The following CACNA2D1 variants were observed in gnomAD, a reference collection of about 807,000 sequenced individuals.
The protein encoded by CACNA2D1 is voltage-dependent calcium channel subunit alpha-2/delta-1.
CACNA2D1 carries 53 observed loss-of-function variants against 171.5 expected under a neutral mutation model. The observed-to-expected ratio is 0.31, with a 90% CI of 0.25 to 0.39. The LOEUF (loss-of-function observed/expected upper bound fraction) is 0.39, where lower values mean the gene tolerates loss of function less well. Ranked by LOEUF, CACNA2D1 falls within the 10% of genes least tolerant of loss-of-function variation. The pLI is 1.00. For synonymous variants in CACNA2D1, 442 were observed against 443.1 expected, an observed-to-expected ratio of 1.00 and a Z score of 0.03; for missense variants, 903 against 1,299.8, an observed-to-expected ratio of 0.69 and a Z score of 4.69.
chr7:82,264,427 A>G (rs533471103), intron 3 of CACNA2D1, among the ~76,000 whole-genome samples: 1 of 152,288 alleles, frequency 6.6e-6, no homozygotes, highest in South Asian at 2.1e-4. Flanking sequence ...AATGTTTTAT[A>G]TATTTTTCTT....
intron 1 of CACNA2D1, among the ~76,000 whole-genome samples, chr7:82,378,976 TG>T (rs1823357127): frequency 6.6e-6 from 1 of 151,356 alleles, no homozygotes. Flanking sequence ...TGTGTGTGTG[TG>T]TGTGTGTGTG....
intron 3 of CACNA2D1, among the ~76,000 whole-genome samples, chr7:82,329,435 A>G (rs1177189447): frequency 6.6e-6 from 1 of 152,162 alleles, no homozygotes; most frequent in Non-Finnish European, 1.5e-5. Context: ...CTTTGAGCAA[A>G]ATGCCTAGAG....
intron 1 of CACNA2D1, among the ~76,000 whole-genome samples, chr7:82,402,522 C>G (rs1166772650): frequency 6.6e-6 from 1 of 151,630 alleles, no homozygotes; most frequent in East Asian, 1.9e-4. Context: ...ACCATCCTGG[C>G]TAACATGGTG....
chr7:81,956,577 T>C (rs1208503347), intron 38 of CACNA2D1, among the ~76,000 whole-genome samples: 1 of 152,190 alleles, frequency 6.6e-6, no homozygotes, highest in African/African-American at 2.4e-5. Context: ...CAACGTTTCC[T>C]TACTTTGGCG....
At chr7:82,242,154 T>G (rs974502584) in intron 3 of CACNA2D1, among the ~76,000 whole-genome samples, 2 of 152,122 alleles carry the variant, frequency 1.3e-5, no homozygotes, top group Non-Finnish European at 2.9e-5. Flanking sequence ...TAGTTGACAT[T>G]ATGTAAATCT....
chr7:82,069,735 T>A (rs938867478), intron 7 of CACNA2D1, among the ~76,000 whole-genome samples: 1 of 151,676 alleles, frequency 6.6e-6, no homozygotes, highest in East Asian at 1.9e-4. Flanking sequence ...TTTCAGCTGC[T>A]AGGAAAGAAT....
intron 5 of CACNA2D1, among the ~76,000 whole-genome samples, chr7:82,130,433 A>G (rs577179530): frequency 6.6e-6 from 1 of 152,066 alleles, no homozygotes; most frequent in South Asian, 2.1e-4. Context: ...ATATATGAAT[A>G]TAATGTTTAT....
rs570820638 is a variant in CACNA2D1 at position 82,015,063 on chromosome 7, AAAAG to A, written c.1144-588_1144-585del. Among the ~76,000 whole-genome samples the A allele has an allele frequency of 1.6e-3, 251 of 152,258 alleles. 5 individuals carry two copies. The East Asian group carries it at 0.018, about 11-fold the overall frequency. On this transcript the variant is annotated intron_variant, in intron 12 of 38. Transcript: ENST00000356860. ...GCGAAACTCCATTTCAAAAAAAGAAAAAAGAAAGAAAGAAAGAAAAAAGAAAATA... is the reference window on the plus strand; with the variant it reads ...GCGAAACTCCATTTCAAAAAAAGAAAAAAGAAAGAAAGAAAAAAGAAAATA...
chr7:82,198,044 T>G (rs563515176), intron 3 of CACNA2D1, among the ~76,000 whole-genome samples: 1 of 152,120 alleles, frequency 6.6e-6, no homozygotes, highest in Non-Finnish European at 1.5e-5. Context: ...AGTCCCTGAC[T>G]TGAATGAGCT....
chr7:82,084,333 A>G (rs1810186010), intron 7 of CACNA2D1, among the ~76,000 whole-genome samples: 1 of 152,194 alleles, frequency 6.6e-6, no homozygotes, highest in African/African-American at 2.4e-5. Flanking sequence ...TGTCCTACTC[A>G]TTTTAACAGA....
At chr7:82,401,136 A>G (rs1307223859) in intron 1 of CACNA2D1, among the ~76,000 whole-genome samples, 1 of 152,180 alleles carries the variant, frequency 6.6e-6, no homozygotes, top group East Asian at 1.9e-4. Flanking sequence ...ACCATTGTGG[A>G]AGTCAGTGTG....
intron 3 of CACNA2D1, among the ~76,000 whole-genome samples, chr7:82,334,870 T>C (rs371856666): frequency 6.6e-6 from 1 of 151,948 alleles, no homozygotes; most frequent in East Asian, 1.9e-4. Flanking sequence ...TTTATTATTA[T>C]GTATCATGAT....
chr7:82,006,054 T>C (rs1206338964), intron 16 of CACNA2D1, among the ~76,000 whole-genome samples: 2 of 151,972 alleles, frequency 1.3e-5, no homozygotes, highest in African/African-American at 2.4e-5. Flanking sequence ...AAAGAAAATC[T>C]AGATAATTGA....
rs754533216 is a variant in CACNA2D1, at chr7:81,961,986, G to A, written c.2874C>T (p.Ser958=). 12 of 1,612,222 alleles carry A rather than the reference G, an allele frequency of 7.4e-6. No individual in the cohort carries two copies. The Admixed American group carries it at 1.2e-4, about 16-fold the overall frequency. Residue 958 remains serine (S), a synonymous_variant, in exon 36 of 39, where the codon TCC becomes TCT. Coordinates refer to ENST00000356860, the MANE Select transcript of CACNA2D1 (RefSeq NM_000722.4). ...MEDDDFTASL[S]KQSCITEQTQ... ...TTTGTTCAGTAATGCAGCTCTGCTT[G>A]GACAGGGAGGCCGTGAAGTCATCAT...
intron 38 of CACNA2D1, among the ~76,000 whole-genome samples, chr7:81,955,227 G>A (rs1046373388): frequency 8.6e-5 from 13 of 151,916 alleles, no homozygotes; most frequent in Non-Finnish European, 1.0e-4. Flanking sequence ...CGGGTATAAG[G>A]GCCCCTTGGT....
At chr7:82,007,062 C>T (rs1301431590) in intron 16 of CACNA2D1, among the ~76,000 whole-genome samples, 1 of 151,190 alleles carries the variant, frequency 6.6e-6, no homozygotes, top group Non-Finnish European at 1.5e-5. Flanking sequence ...AAGCATTTAA[C>T]AAATAATAAG....
chr7:82,018,454 A>G (rs1205987937), intron 12 of CACNA2D1, among the ~76,000 whole-genome samples: 1 of 152,124 alleles, frequency 6.6e-6, no homozygotes, highest in African/African-American at 2.4e-5. Flanking sequence ...TGCATTTTGC[A>G]ATTTGGGCTG....
chr7:82,124,243 G>C (rs1196339597), intron 5 of CACNA2D1, among the ~76,000 whole-genome samples: 1 of 152,020 alleles, frequency 6.6e-6, no homozygotes, highest in Non-Finnish European at 1.5e-5. Context: ...TGATTTTCTA[G>C]AACTAAATCA....
At chr7:82,400,394 G>C (rs1371797254) in intron 1 of CACNA2D1, among the ~76,000 whole-genome samples, 1 of 151,906 alleles carries the variant, frequency 6.6e-6, no homozygotes, top group East Asian at 1.9e-4. Flanking sequence ...GTGATTTGTA[G>C]TTCTCCTTGA....
Sources: allele counts gnomAD v4.1 joint callset (sites outside exome capture counted in the v4.1 genomes callset), GRCh38; gene constraint gnomAD v4.1.1; transcripts MANE v1.5; gene names NCBI Gene and HGNC (gene_info 2026-07-23, HGNC 2026-07-21).